The following NOVA1 variants were observed in gnomAD, a reference collection of about 807,000 sequenced individuals.
NOVA1 encodes NOVA alternative splicing regulator 1.
In NOVA1, 7 loss-of-function variants were observed where a neutral mutation model predicts 38.0. The ratio of observed to expected loss-of-function variants is 0.18; its 90% CI spans 0.10 to 0.35. The LOEUF is 0.35. Among genes scored for constraint, NOVA1 ranks in the 10% least tolerant of loss-of-function variants. NOVA1 has a pLI of 1.00. For synonymous variants in NOVA1, 270 were observed against 232.5 expected, an observed-to-expected ratio of 1.16 and a Z score of -1.47; for missense variants, 460 against 616.0, an observed-to-expected ratio of 0.75 and a Z score of 2.68.
At chr14:26,545,616 C>G (rs1489609987) in intron 2 of NOVA1, among the ~76,000 whole-genome samples, 1 of 152,108 alleles carries the variant, frequency 6.6e-6, no homozygotes, top group Non-Finnish European at 1.5e-5. Flanking sequence ...CACTGCACAT[C>G]TATTATATGC....
chr14:26,458,301 T>C (rs940906048), intron 4 of NOVA1, among the ~76,000 whole-genome samples: 14 of 152,088 alleles, frequency 9.2e-5, no homozygotes, highest in African/African-American at 3.4e-4. Context: ...AGAGCTACTA[T>C]TTGACCCAGC....
At chr14:26,497,239 G>GGA (rs1886886462) in intron 2 of NOVA1, among the ~76,000 whole-genome samples, 1 of 152,060 alleles carries the variant, frequency 6.6e-6, no homozygotes, top group Non-Finnish European at 1.5e-5. Flanking sequence ...CACCTTACAA[G>GGA]GGACGTGAAG....
In NOVA1 at chr14:26,460,648, T is replaced by C. The variant is rs949482906; in HGVS notation, c.519+11672A>G. Among the ~76,000 whole-genome samples the C allele has an allele frequency of 6.6e-5, 10 of 152,070 alleles. No individual in the cohort carries two copies. In the East Asian group the frequency reaches 1.4e-3, roughly 21 times the overall value. On this transcript the variant is annotated intron_variant, in intron 4 of 4. Transcript: ENST00000539517. The stretch of plus-strand genomic sequence containing the variant: ...TATTGTCTCCGGAAAAATTCAATGA[T>C]AAAAAATTAGAAAAACTAATAACCA...
chr14:26,572,025 T>A (rs1451828264), intron 2 of NOVA1, among the ~76,000 whole-genome samples: 1 of 152,210 alleles, frequency 6.6e-6, no homozygotes, highest in Non-Finnish European at 1.5e-5. Flanking sequence ...GGGGAACAGC[T>A]TTAAATTAGA....
chr14:26,470,284 A>C, intron 4 of NOVA1: 2 of 1,331,880 alleles, frequency 1.5e-6, no homozygotes, highest in Non-Finnish European at 2.0e-6. Flanking sequence ...AGGACTATTG[A>C]CAAGAAACAA....
intron 2 of NOVA1, among the ~76,000 whole-genome samples, chr14:26,583,144 G>A (rs527739534): frequency 4.2e-4 from 64 of 151,784 alleles, no homozygotes; most frequent in African/African-American, 1.4e-3. Context: ...ATTTTCAGTT[G>A]AGAAGATAAG....
chr14:26,494,702 T>C (rs74042411), intron 2 of NOVA1, among the ~76,000 whole-genome samples: 2,124 of 152,202 alleles, frequency 0.014, 43 homozygotes, highest in African/African-American at 0.047. Flanking sequence ...GTAAATACCA[T>C]AAAATATAAT....
At chr14:26,574,097 C>T (rs1055596737) in intron 2 of NOVA1, among the ~76,000 whole-genome samples, 1 of 148,604 alleles carries the variant, frequency 6.7e-6, no homozygotes, top group Non-Finnish European at 1.5e-5. Flanking sequence ...ACAATCTCAG[C>T]TCACTGCAAC....
chr14:26,452,510 A>G (rs1882785546), intron 4 of NOVA1, among the ~76,000 whole-genome samples: 1 of 152,234 alleles, frequency 6.6e-6, no homozygotes, highest in Non-Finnish European at 1.5e-5. Flanking sequence ...AAAGGCATTT[A>G]CCAAAGCAAA....
Position 26,595,966 on chromosome 14 carries a change from G to A in NOVA1, c.137-413C>T, listed in dbSNP as rs1281401876. 1.6e-5 allele frequency: 6 copies of A among 383,704 alleles called. No individual in the cohort carries two copies. The East Asian group carries it at 4.9e-4, about 31-fold the overall frequency. The allele number at this position is 383,704 out of a possible 1,614,324, so 23.8% of individuals were successfully genotyped here. ...CTTAACATATTAAAAAAGAAGAAAA[G>A]CCCAGGACTGTAAATAGTGATGAGC... On this transcript the variant is annotated intron_variant, in intron 1 of 4. Coordinates refer to ENST00000539517, the MANE Select transcript of NOVA1 (RefSeq NM_002515.3).
chr14:26,589,991 G>T (rs1893748670), intron 2 of NOVA1, among the ~76,000 whole-genome samples: 1 of 151,786 alleles, frequency 6.6e-6, no homozygotes, highest in Non-Finnish European at 1.5e-5. Flanking sequence ...TGAGGGTCAG[G>T]TTAATTAAGC....
chr14:26,524,807 G>A (rs551542443), intron 2 of NOVA1, among the ~76,000 whole-genome samples: 45 of 151,914 alleles, frequency 3.0e-4, no homozygotes, highest in Non-Finnish European at 5.7e-4. Context: ...CTTCATAAAA[G>A]GTAAAAATTT....
intron 2 of NOVA1, among the ~76,000 whole-genome samples, chr14:26,514,601 A>G (rs1888325733): frequency 6.6e-6 from 1 of 151,840 alleles, no homozygotes; most frequent in African/African-American, 2.4e-5. Context: ...GACAGTTGAC[A>G]GAAGTAGTAC....
chr14:26,573,640 T>C (rs1268664177), intron 2 of NOVA1, among the ~76,000 whole-genome samples: 1 of 152,154 alleles, frequency 6.6e-6, no homozygotes, highest in Admixed American at 6.5e-5. Context: ...GAAATTAAAT[T>C]ATAATTTGAA....
intron 1 of NOVA1, chr14:26,596,847 C>T (rs1894222256): frequency 2.7e-6 from 3 of 1,106,486 alleles, no homozygotes; most frequent in South Asian, 4.2e-5. Flanking sequence ...AAAAACTCTC[C>T]GGCGCCCCAG....
At chr14:26,576,214 T>C (rs1395899789) in intron 2 of NOVA1, among the ~76,000 whole-genome samples, 1 of 151,954 alleles carries the variant, frequency 6.6e-6, no homozygotes, top group Non-Finnish European at 1.5e-5. Flanking sequence ...CTGTGTCTTC[T>C]AAGAATGATA....
Position 26,597,814 on chromosome 14 carries a change from C to T in NOVA1, c.-378G>A. The T allele has an allele frequency of 2.4e-6, 1 of 412,592 alleles. No individual in the cohort carries two copies. The highest frequency in any genetic ancestry group is 3.2e-6 in the Non-Finnish European group (1 of 309,998). 25.6% of individuals were successfully genotyped at this position (412,592 alleles called of 1,614,324 possible). A position where few individuals can be genotyped will look rare whatever the true frequency, so the allele number is the denominator to read the frequency against. Reference sequence around the variant, plus strand: ...AGGACAGGCAGAGGGAGTGGGAGAGCGCGAGGGCTGGCGGGGCGCGGGGAG... The same window carrying T: ...AGGACAGGCAGAGGGAGTGGGAGAGTGCGAGGGCTGGCGGGGCGCGGGGAG... On this transcript the variant is annotated 5_prime_UTR_variant, in exon 1 of 5. Coordinates refer to ENST00000539517, the MANE Select transcript of NOVA1 (RefSeq NM_002515.3).
intron 4 of NOVA1, chr14:26,470,359 G>A: frequency 6.7e-7 from 1 of 1,490,474 alleles, no homozygotes; most frequent in Non-Finnish European, 9.2e-7. Context: ...GGAAAATACT[G>A]TTGGGGAGAA....
At chr14:26,561,824 A>C (rs1891849394) in intron 2 of NOVA1, among the ~76,000 whole-genome samples, 1 of 152,222 alleles carries the variant, frequency 6.6e-6, no homozygotes, top group Non-Finnish European at 1.5e-5. Flanking sequence ...AACAAAAAAA[A>C]TTCTAAGATC....
Sources: gnomAD v4.1 joint callset for allele counts (sites outside exome capture counted in the v4.1 genomes callset) on GRCh38, gnomAD v4.1.1 for gene constraint, MANE v1.5 for transcripts, NCBI Gene and HGNC (gene_info 2026-07-23, HGNC 2026-07-21) for gene names.